CTNND2: variants seen among roughly 807,000 people sequenced by gnomAD.
The protein encoded by CTNND2 is catenin delta-2.
Under a neutral mutation model 144.4 loss-of-function variants are expected in CTNND2, and 22 were observed. The observed-to-expected ratio is 0.15, with a 90% CI of 0.11 to 0.22. The LOEUF (loss-of-function observed/expected upper bound fraction) is 0.22. Among genes scored for constraint, CTNND2 ranks in the 10% least tolerant of loss-of-function variants. The pLI is 1.00. For missense variants in CTNND2, 1,353 were observed against 1,618.8 expected (o/e 0.84, Z 2.82); for synonymous variants, 751 against 695.6 (o/e 1.08, Z -1.25).
At chr5:11,378,098 C>A (rs1345545528) in intron 7 of CTNND2, among the ~76,000 whole-genome samples, 2 of 152,084 alleles carry the variant, frequency 1.3e-5, no homozygotes, top group Non-Finnish European at 2.9e-5. Context: ...CCTACTATAA[C>A]ATGGGGTCCT....
intron 3 of CTNND2, among the ~76,000 whole-genome samples, chr5:11,493,240 A>G (rs954045416): frequency 1.3e-5 from 2 of 152,176 alleles, no homozygotes; most frequent in African/African-American, 4.8e-5. Flanking sequence ...GGATGGGGTT[A>G]TGATTCCATC....
chr5:11,133,306 C>G (rs1456092624), intron 12 of CTNND2, among the ~76,000 whole-genome samples: 1 of 152,080 alleles, frequency 6.6e-6, no homozygotes, highest in Non-Finnish European at 1.5e-5. Flanking sequence ...CTCCCAGTAA[C>G]TAGTAATTTA....
chr5:11,846,847 C>A (rs1315121462), intron 1 of CTNND2, among the ~76,000 whole-genome samples: 3 of 151,750 alleles, frequency 2.0e-5, no homozygotes, highest in Non-Finnish European at 4.4e-5. Flanking sequence ...CAAAAAAAAT[C>A]AACATCACTA....
chr5:11,687,584 G>A (rs1243930211), intron 2 of CTNND2, among the ~76,000 whole-genome samples: 1 of 152,170 alleles, frequency 6.6e-6, no homozygotes, highest in Non-Finnish European at 1.5e-5. Context: ...TAGGTGTGAG[G>A]ATCATCAAGT....
At chr5:11,101,887 A>ATGTG (rs201704440) in intron 14 of CTNND2, among the ~76,000 whole-genome samples, 11,074 of 145,210 alleles carry the variant, frequency 0.076, 429 homozygotes, top group South Asian at 0.1. Flanking sequence ...ACGACCACAT[A>ATGTG]TGTGTGTGTG....
Position 11,903,380 on chromosome 5 carries a change from C to A in CTNND2, c.37+437G>T, listed in dbSNP as rs754005629. 68 of 1,002,404 alleles carry A rather than the reference C, an allele frequency of 6.8e-5. No homozygotes were observed. The highest frequency in any genetic ancestry group is 8.0e-5 in the Non-Finnish European group (67 of 841,646). 62.1% of individuals were successfully genotyped at this position (1,002,404 alleles called of 1,614,324 possible). Reference sequence around the variant, plus strand: ...TTTCCATTTTGTTCTAGCCAAACATCGTAATGACATTGAACATAAGGGCAA... The same window carrying A: ...TTTCCATTTTGTTCTAGCCAAACATAGTAATGACATTGAACATAAGGGCAA... On this transcript the variant is annotated intron_variant, in intron 1 of 21. Coordinates refer to ENST00000304623, the MANE Select transcript of CTNND2 (RefSeq NM_001332.4). This position sits in a 1 kb window ranked among gnomAD's most constrained non-coding sequence, Gnocchi z 5.4.
At chr5:11,175,193 T>A (rs1760356488) in intron 11 of CTNND2, among the ~76,000 whole-genome samples, 1 of 152,148 alleles carries the variant, frequency 6.6e-6, no homozygotes, top group African/African-American at 2.4e-5. Flanking sequence ...TTTTATATTA[T>A]AATTAATCTT....
At chr5:11,266,691 C>A (rs984270051) in intron 9 of CTNND2, among the ~76,000 whole-genome samples, 5 of 152,202 alleles carry the variant, frequency 3.3e-5, no homozygotes, top group African/African-American at 1.2e-4. Flanking sequence ...TACAACAATT[C>A]AATTCAGACT....
chr5:11,292,356 G>A (rs911900451), intron 9 of CTNND2, among the ~76,000 whole-genome samples: 4 of 152,076 alleles, frequency 2.6e-5, no homozygotes, highest in Admixed American at 6.5e-5. Flanking sequence ...TTACTGGCTG[G>A]AGTCCTTCTA....
intron 11 of CTNND2, among the ~76,000 whole-genome samples, chr5:11,160,309 C>T (rs997654935): frequency 2.6e-5 from 4 of 152,208 alleles, no homozygotes; most frequent in Non-Finnish European, 5.9e-5. Flanking sequence ...ACTGTTTTGT[C>T]AGCTTTTCTC....
intron 9 of CTNND2, among the ~76,000 whole-genome samples, chr5:11,277,059 A>G (rs976776223): frequency 1.2e-4 from 19 of 152,230 alleles, no homozygotes; most frequent in African/African-American, 4.6e-4. Context: ...CTAATCCACT[A>G]TATTTTTGAA....
chr5:11,049,972 T>C (rs1008944554), intron 16 of CTNND2, among the ~76,000 whole-genome samples: 5 of 152,206 alleles, frequency 3.3e-5, no homozygotes, highest in Admixed American at 2.0e-4. Flanking sequence ...GCCAGGCTCA[T>C]AGTAGTGCCC....
intron 3 of CTNND2, among the ~76,000 whole-genome samples, chr5:11,474,322 G>T (rs1377752889): frequency 6.6e-6 from 1 of 152,184 alleles, no homozygotes; most frequent in East Asian, 1.9e-4. Flanking sequence ...CCCAAAATGA[G>T]CAAGGCTTAG....
rs567020788 is a variant in CTNND2, at chr5:11,165,144, A to C, written c.1976-5385T>G. Among the ~76,000 whole-genome samples, 15 of 152,372 alleles carry C rather than the reference A, an allele frequency of 9.8e-5. No homozygotes were observed. In the South Asian group the frequency reaches 3.1e-3, roughly 32 times the overall value. ...AGCTGCAAGATGTAATTTCACAAAT[A>C]ATAAATCCAAACAAGAATAGAAAAA... On this transcript the variant is annotated intron_variant, in intron 11 of 21. Transcript: ENST00000304623.
At chr5:11,307,945 TTA>T (rs1435091862) in intron 9 of CTNND2, among the ~76,000 whole-genome samples, 3 of 152,206 alleles carry the variant, frequency 2.0e-5, no homozygotes, top group Non-Finnish European at 4.4e-5. Flanking sequence ...GACAGTGCCC[TTA>T]TAAAACAGAT....
intron 1 of CTNND2, among the ~76,000 whole-genome samples, chr5:11,855,198 T>C (rs1464682894): frequency 3.9e-5 from 6 of 152,090 alleles, no homozygotes; most frequent in Non-Finnish European, 7.4e-5. Flanking sequence ...AACCCACAGG[T>C]TGAAACAGGG....
chr5:11,086,545 C>G (rs1750165522), intron 15 of CTNND2, among the ~76,000 whole-genome samples: 1 of 152,146 alleles, frequency 6.6e-6, no homozygotes, highest in Non-Finnish European at 1.5e-5. Flanking sequence ...ACATTTCTTT[C>G]CTTTCTATTT....
At chr5:11,749,909 A>C (rs1027629571) in intron 1 of CTNND2, among the ~76,000 whole-genome samples, 1 of 152,024 alleles carries the variant, frequency 6.6e-6, no homozygotes, top group African/African-American at 2.4e-5. Flanking sequence ...ATTTCTCTTA[A>C]TGAGTGCATA....
At chr5:11,080,576 G>C (rs1325590099) in intron 16 of CTNND2, among the ~76,000 whole-genome samples, 2 of 152,122 alleles carry the variant, frequency 1.3e-5, no homozygotes, top group African/African-American at 2.4e-5. Context: ...AGCAATCTAA[G>C]TGTCCATCAA....
Sources: allele counts gnomAD v4.1 joint callset (sites outside exome capture counted in the v4.1 genomes callset), GRCh38; gene constraint gnomAD v4.1.1; non-coding constraint Gnocchi (gnomAD v3.1); transcripts MANE v1.5; gene names NCBI Gene and HGNC (gene_info 2026-07-23, HGNC 2026-07-21).